The following PTPRA variants were observed in gnomAD, a reference collection of about 807,000 sequenced individuals.
PTPRA encodes the protein receptor-type tyrosine-protein phosphatase alpha.
PTPRA carries 25 observed loss-of-function variants against 104.8 expected under a neutral mutation model. The ratio of observed to expected loss-of-function variants is 0.24; its 90% CI spans 0.17 to 0.33. The LOEUF is 0.33. Among genes scored for constraint, PTPRA ranks in the 10% least tolerant of loss-of-function variants. The pLI is 1.00. For missense variants in PTPRA, 765 were observed against 1,015.3 expected (o/e 0.75, Z 3.35); for synonymous variants, 323 against 368.9 (o/e 0.88, Z 1.43).
intron 11 of PTPRA, among the ~76,000 whole-genome samples, chr20:3,008,773 C>CGT (rs2064005997): frequency 1.4e-5 from 2 of 146,162 alleles, no homozygotes; most frequent in South Asian, 4.6e-4. Flanking sequence ...CTTAGCCGGG[C>CGT]GTGGTGGCAG....
rs139283654 is a variant in PTPRA, at chr20:3,007,432, G to C, written c.906+12G>C. 6.0e-4 allele frequency: 970 copies of C among 1,611,542 alleles called. 6 individuals are homozygous for C. The African/African-American group carries it at 0.012, about 20-fold the overall frequency. On this transcript the variant is annotated intron_variant, in intron 11 of 23. Transcript: ENST00000399903. ...CTTCATTCATCAACGTAAGGATCGG[G>C]TGCTTTCCCTGTCACTTCCCTGCCT...
intron 13 of PTPRA, among the ~76,000 whole-genome samples, chr20:3,018,994 C>T (rs1480303927): frequency 7.1e-6 from 1 of 139,872 alleles, no homozygotes; most frequent in African/African-American, 2.7e-5. Flanking sequence ...ATCCCCCAAC[C>T]TCCCTCCCGG....
intron 2 of PTPRA, among the ~76,000 whole-genome samples, chr20:2,928,760 TA>T (rs746081574): frequency 3.4e-4 from 52 of 152,050 alleles, no homozygotes; most frequent in Admixed American, 1.0e-3. Flanking sequence ...CTGTCCTTTT[TA>T]AAAACTCTTT....
At chr20:2,947,924 A>T in intron 2 of PTPRA, 58 bp from the exon 3 acceptor site, 1 of 756,936 alleles carries the variant, frequency 1.3e-6, no homozygotes, top group Middle Eastern at 3.7e-4. Context: ...GAGGTTGATG[A>T]ATGCTTCACA....
chr20:3,012,875 T>C (rs2064241174), intron 11 of PTPRA, among the ~76,000 whole-genome samples: 1 of 152,228 alleles, frequency 6.6e-6, no homozygotes, highest in African/African-American at 2.4e-5. Context: ...TTGGTAAGTT[T>C]ACCAAGTTAT....
At chr20:2,929,453 C>T (rs2147482966) in intron 2 of PTPRA, among the ~76,000 whole-genome samples, 1 of 152,230 alleles carries the variant, frequency 6.6e-6, no homozygotes, top group Middle Eastern at 3.4e-3. Context: ...CTTTTGAACA[C>T]TGTGTGGTCA....
intron 11 of PTPRA, among the ~76,000 whole-genome samples, chr20:3,011,844 C>G (rs1024127837): frequency 6.6e-6 from 1 of 152,224 alleles, no homozygotes; most frequent in African/African-American, 2.4e-5. Context: ...CAGCAAAGAG[C>G]AGAGCAGCTA....
intron 1 of PTPRA, among the ~76,000 whole-genome samples, chr20:2,902,238 T>C (rs901792459): frequency 6.6e-6 from 1 of 152,330 alleles, no homozygotes; most frequent in East Asian, 1.9e-4. Context: ...GATCATAAGA[T>C]ATTCTTGGTA....
chr20:2,993,252 G>A (rs940832407), intron 9 of PTPRA, among the ~76,000 whole-genome samples: 11 of 152,186 alleles, frequency 7.2e-5, no homozygotes, highest in Admixed American at 5.2e-4. Flanking sequence ...GGGGCAAGGG[G>A]CAACAAGTTG....
intron 20 of PTPRA, among the ~76,000 whole-genome samples, chr20:3,029,601 A>T (rs1258896131): frequency 7.9e-6 from 1 of 127,366 alleles, no homozygotes; most frequent in Non-Finnish European, 1.5e-5. Context: ...CAGTGGCACA[A>T]TATGGGCTCA....
chr20:2,886,495 A>G (rs2090392375), intron 1 of PTPRA, among the ~76,000 whole-genome samples: 2 of 152,142 alleles, frequency 1.3e-5, no homozygotes, highest in Non-Finnish European at 2.9e-5. Context: ...AAAAAATTAA[A>G]AGAGAAACCA....
In PTPRA at chr20:2,978,462, G is replaced by T. The variant is rs1351187664; in HGVS notation, c.442+3221G>T. Among the ~76,000 whole-genome samples, 3 of 152,170 alleles carry T rather than the reference G, an allele frequency of 2.0e-5. No individual in the cohort carries two copies. The East Asian group carries it at 5.8e-4, about 29-fold the overall frequency. The stretch of plus-strand genomic sequence containing the variant: ...TAGGTAAATGGGCCATAGGAACTGG[G>T]GCTATAGGACTATGGCTATTCCTTT... On this transcript the variant is annotated intron_variant, in intron 6 of 23. Transcript: ENST00000399903.
intron 6 of PTPRA, among the ~76,000 whole-genome samples, chr20:2,984,241 A>G (rs546719333): frequency 9.9e-5 from 15 of 152,184 alleles, no homozygotes; most frequent in Admixed American, 6.5e-4. Flanking sequence ...CCTCACTCAC[A>G]TCTCCCTCCA....
At chr20:2,931,366 C>G (rs754802448) in intron 2 of PTPRA, among the ~76,000 whole-genome samples, 1 of 151,970 alleles carries the variant, frequency 6.6e-6, no homozygotes, top group Non-Finnish European at 1.5e-5. Flanking sequence ...GAATCCTTAA[C>G]AGAAATAAAG....
At chr20:2,994,493 C>A (rs1361033577) in intron 9 of PTPRA, among the ~76,000 whole-genome samples, 1 of 152,218 alleles carries the variant, frequency 6.6e-6, no homozygotes, top group Non-Finnish European at 1.5e-5. Flanking sequence ...ATAGTCCCTT[C>A]CACTAGCATC....
At chr20:3,011,517 C>G (rs2064168288) in intron 11 of PTPRA, among the ~76,000 whole-genome samples, 1 of 152,148 alleles carries the variant, frequency 6.6e-6, no homozygotes, top group Non-Finnish European at 1.5e-5. Flanking sequence ...CCCAGTAGAG[C>G]TCATTATTGA....
intron 1 of PTPRA, among the ~76,000 whole-genome samples, chr20:2,886,518 AGTTTTAGTG>A (rs1333714262): frequency 6.6e-6 from 1 of 152,092 alleles, no homozygotes; most frequent in African/African-American, 2.4e-5. Flanking sequence ...GTAAGGGAAG[AGTTTTAGTG>A]GATTTCATGT....
At position 2,876,362 on chromosome 20, in the gene PTPRA, G is replaced by A. The variant is rs548438068; in HGVS notation, c.-129+2602G>A. 2.0e-4 allele frequency among the ~76,000 whole-genome samples: 30 copies of A among 152,308 alleles called. 1 individual carries two copies. In the South Asian group the frequency reaches 6.2e-3, roughly 32 times the overall value. ...CCTAACCTCCTCCCCAGAGATGGCT[G>A]AAGTTTTCAGTTTATATGGCCTTCC... On this transcript the variant is annotated intron_variant, in intron 1 of 23. Coordinates refer to ENST00000399903, the MANE Select transcript of PTPRA (RefSeq NM_001385305.1).
intron 2 of PTPRA, among the ~76,000 whole-genome samples, chr20:2,946,204 T>C (rs2061124473): frequency 6.6e-6 from 1 of 151,932 alleles, no homozygotes; most frequent in South Asian, 2.1e-4. Flanking sequence ...CAAAAAAGTA[T>C]GTGGGAGGAG....
Sources: gnomAD v4.1 joint callset for allele counts (sites outside exome capture counted in the v4.1 genomes callset) on GRCh38, gnomAD v4.1.1 for gene constraint, MANE v1.5 for transcripts, NCBI Gene and HGNC (gene_info 2026-07-23, HGNC 2026-07-21) for gene names.